NBEA: variants seen among roughly 807,000 people sequenced by gnomAD.
NBEA encodes neurobeachin, also known as lysosomal-trafficking regulator 2.
In NBEA, 44 loss-of-function variants were observed where a neutral mutation model predicts 343.4. That is an observed-to-expected ratio of 0.13 (90% CI 0.10 to 0.16). NBEA has a LOEUF of 0.16. Ranked by LOEUF, NBEA falls within the 10% of genes least tolerant of loss-of-function variation. NBEA has a pLI of 1.00. For synonymous variants in NBEA, 1,175 were observed against 1,238.7 expected, an observed-to-expected ratio of 0.95 and a Z score of 1.08; for missense variants, 2,555 against 3,631.3, an observed-to-expected ratio of 0.70 and a Z score of 7.62.
intron 41 of NBEA, among the ~76,000 whole-genome samples, chr13:35,498,131 G>T (rs2076751069): frequency 6.6e-6 from 1 of 151,942 alleles, no homozygotes; most frequent in South Asian, 2.1e-4. Flanking sequence ...ATTTTCTTAG[G>T]CACTAAGTAT....
chr13:35,098,242 CTG>C lies in NBEA; in HGVS notation c.1572-53_1572-52del, dbSNP rs1380733491. 79 of 1,221,080 alleles carry C rather than the reference CTG, an allele frequency of 6.5e-5. 1 individual carries two copies. The East Asian group carries it at 1.6e-3, about 25-fold the overall frequency. The allele number at this position is 1,221,080 out of a possible 1,614,324, so 75.6% of individuals were successfully genotyped here. On this transcript the variant is annotated intron_variant, in intron 10 of 58. Transcript: ENST00000379939. ...CATAATAAAATACTGAAGTGGGACA[CTG>C]TTTATAATAAACATGTGATGATTAC...
At chr13:35,320,010 T>C (rs142323518) in intron 36 of NBEA, among the ~76,000 whole-genome samples, 34 of 152,278 alleles carry the variant, frequency 2.2e-4, no homozygotes, top group Non-Finnish European at 4.6e-4. Flanking sequence ...ATGGGTCTCC[T>C]GAGTACAGCA....
At chr13:34,974,308 A>G (rs948289247) in intron 1 of NBEA, among the ~76,000 whole-genome samples, 4 of 152,100 alleles carry the variant, frequency 2.6e-5, no homozygotes, top group Admixed American at 6.5e-5. Context: ...CTTGTTGGCC[A>G]TCTTGGCCCA....
At chr13:35,646,783 GT>G (rs1328530033) in intron 51 of NBEA, among the ~76,000 whole-genome samples, 1 of 152,200 alleles carries the variant, frequency 6.6e-6, no homozygotes, top group Non-Finnish European at 1.5e-5. Context: ...GTAATTTGTG[GT>G]TATTACAGAG....
At chr13:35,341,725 A>C (rs1594281688) in intron 36 of NBEA, among the ~76,000 whole-genome samples, 1 of 152,156 alleles carries the variant, frequency 6.6e-6, no homozygotes, top group Non-Finnish European at 1.5e-5. Context: ...ACAGACAACA[A>C]CAAGTGTTGG....
chr13:35,009,259 G>A (rs2061409615), intron 1 of NBEA, among the ~76,000 whole-genome samples: 1 of 152,098 alleles, frequency 6.6e-6, no homozygotes, highest in South Asian at 2.1e-4. Flanking sequence ...TACATTTTAG[G>A]GACAGTTGAT....
intron 46 of NBEA, among the ~76,000 whole-genome samples, chr13:35,588,327 A>G (rs2081374154): frequency 6.6e-6 from 1 of 152,094 alleles, no homozygotes; most frequent in Non-Finnish European, 1.5e-5. Flanking sequence ...AGGGAATTGT[A>G]ATGTCCTCAC....
intron 36 of NBEA, among the ~76,000 whole-genome samples, chr13:35,341,164 G>A (rs1046802344): frequency 4.6e-5 from 7 of 151,782 alleles, no homozygotes; most frequent in Non-Finnish European, 8.8e-5. Flanking sequence ...TTGAAAAGAC[G>A]GTCACTTCAA....
In NBEA at chr13:35,652,560, G is replaced by A. The variant is rs544641098; in HGVS notation, c.8035+684G>A. The stretch of plus-strand genomic sequence containing the variant: ...GGAGGCTGAGGGAGGAGAATGGCGT[G>A]AACCTGGGAGGCGGAGCTTGCAGTG... On this transcript the variant is annotated intron_variant, in intron 53 of 58. Transcript: ENST00000379939. Among the ~76,000 whole-genome samples, 723 of 148,560 alleles carry A rather than the reference G, an allele frequency of 4.9e-3. 9 individuals are homozygous for A. Among genetic ancestry groups the A allele is most frequent in the African/African-American group, 0.017 (694 of 40,614 alleles).
intron 45 of NBEA, among the ~76,000 whole-genome samples, chr13:35,568,348 C>A (rs190209701): frequency 6.6e-6 from 1 of 152,280 alleles, no homozygotes; most frequent in Admixed American, 6.5e-5. Context: ...CTGAGAGTCA[C>A]ACAACTGGTA....
chr13:35,294,907 G>A (rs1338317199), intron 35 of NBEA, among the ~76,000 whole-genome samples: 1 of 151,772 alleles, frequency 6.6e-6, no homozygotes, highest in African/African-American at 2.4e-5. Flanking sequence ...AACAGCCTGA[G>A]CCCTGTTTCT....
intron 34 of NBEA, among the ~76,000 whole-genome samples, chr13:35,234,975 T>G (rs1297429421): frequency 1.3e-5 from 2 of 152,206 alleles, no homozygotes; most frequent in Admixed American, 1.3e-4. Flanking sequence ...CTTTAATATT[T>G]ACAATTACTT....
At chr13:35,255,381 G>A (rs2032470888) in intron 34 of NBEA, among the ~76,000 whole-genome samples, 2 of 152,204 alleles carry the variant, frequency 1.3e-5, no homozygotes, top group Admixed American at 1.3e-4. Flanking sequence ...CCGCCCACTT[G>A]GCCTGACATG....
intron 38 of NBEA, among the ~76,000 whole-genome samples, chr13:35,362,657 A>T (rs1166685925): frequency 6.6e-6 from 1 of 151,944 alleles, no homozygotes; most frequent in East Asian, 1.9e-4. Context: ...TACATCATAG[A>T]TTATATTTTT....
At chr13:35,440,000 C>G (rs745560982) in intron 39 of NBEA, among the ~76,000 whole-genome samples, 7 of 152,186 alleles carry the variant, frequency 4.6e-5, no homozygotes, top group African/African-American at 7.2e-5. Flanking sequence ...CCACCTCAGC[C>G]TCCTGAGTAG....
At chr13:35,254,698 G>C (rs530802636) in intron 34 of NBEA, among the ~76,000 whole-genome samples, 3 of 151,788 alleles carry the variant, frequency 2.0e-5, no homozygotes, top group Non-Finnish European at 1.5e-5. Flanking sequence ...TTTTTTTCAA[G>C]ATAAAGACAG....
Position 35,591,099 on chromosome 13 carries a change from T to C in NBEA, c.7177-2229T>C, listed in dbSNP as rs147743771. On this transcript the variant is annotated intron_variant, in intron 46 of 58. Transcript: ENST00000379939. ...AAGATACATCAAGCTTTCTCTATGT[T>C]ATTTCATTTAATCTTATTTAATCCC... 2.2e-3 allele frequency among the ~76,000 whole-genome samples: 340 copies of C among 152,200 alleles called. 1 individual carries two copies. The highest frequency in any genetic ancestry group is 3.2e-3 in the Non-Finnish European group (215 of 67,984).
In NBEA at chr13:35,452,162, G is replaced by A. The variant is rs2152945844; in HGVS notation, c.6375G>A (p.Glu2125=). 1.2e-6 allele frequency: 2 copies of A among 1,610,224 alleles called. No individual in the cohort carries two copies. The highest frequency in any genetic ancestry group is 1.7e-6 in the Non-Finnish European group (2 of 1,177,696). ...RSQAIVNQNA[E]TELMLEGDDD... ...AAGCAATAGTGAACCAAAATGCAGA[G>A]ACAGAACTTATGCTGGAAGGAGACG... Residue 2125 remains glutamate, a synonymous_variant, in exon 40 of 59, where the codon GAG becomes GAA. Coordinates refer to ENST00000379939, the MANE Select transcript of NBEA (RefSeq NM_001385012.1).
At chr13:35,013,794 C>A (rs1435620575) in intron 1 of NBEA, among the ~76,000 whole-genome samples, 1 of 152,094 alleles carries the variant, frequency 6.6e-6, no homozygotes, top group African/African-American at 2.4e-5. Context: ...TAAGAAAAAT[C>A]TGTTTGCTAC....
Sources: gnomAD v4.1 joint callset for allele counts (sites outside exome capture counted in the v4.1 genomes callset) on GRCh38, gnomAD v4.1.1 for gene constraint, MANE v1.5 for transcripts, NCBI Gene and HGNC (gene_info 2026-07-23, HGNC 2026-07-21) for gene names.